The following PLEKHH2 variants were observed in gnomAD, a reference collection of about 807,000 sequenced individuals.
The protein encoded by PLEKHH2 is pleckstrin homology domain-containing family H member 2.
PLEKHH2 carries 129 observed loss-of-function variants against 187.9 expected under a neutral mutation model. That is an observed-to-expected ratio of 0.69 (90% CI 0.59 to 0.79). The LOEUF is 0.79. Among genes scored for constraint, PLEKHH2 ranks in the 30% least tolerant of loss-of-function variants. The pLI is 0.00. For synonymous variants in PLEKHH2, 686 were observed against 605.6 expected (o/e 1.13, Z -1.95); for missense variants, 2,076 against 1,751.2 (o/e 1.19, Z -3.31).
At chr2:43,716,618 G>GT (rs1558551305) in intron 15 of PLEKHH2, among the ~76,000 whole-genome samples, 1 of 152,100 alleles carries the variant, frequency 6.6e-6, no homozygotes, top group East Asian at 1.9e-4. Context: ...GAGGATAGTG[G>GT]TTTTTTCTAA....
At chr2:43,736,619 AG>A (rs1383696982) in intron 19 of PLEKHH2, among the ~76,000 whole-genome samples, 2 of 152,086 alleles carry the variant, frequency 1.3e-5, no homozygotes, top group African/African-American at 4.8e-5. Context: ...GTATCACCTG[AG>A]ATCAGGAGTT....
chr2:43,710,584 C>CTTTTTTTTTTTTTTTTTTTTTT lies in PLEKHH2; in HGVS notation c.2301+12_2301+33dup. ...ACAAACAAACAGTTCAGGTACTTAACTTTTTTTTTTTTTTTTTTTTTTTTG... is the reference window on the plus strand; with the variant it reads ...ACAAACAAACAGTTCAGGTACTTAACTTTTTTTTTTTTTTTTTTTTTTTTTTTTTTTTTTTTTTTTTTTTTTG... On this transcript the variant is annotated intron_variant, in intron 14 of 29. Transcript: ENST00000282406. The CTTTTTTTTTTTTTTTTTTTTTT allele has an allele frequency of 8.1e-7, 1 of 1,241,308 alleles. No homozygotes were observed. Among genetic ancestry groups the CTTTTTTTTTTTTTTTTTTTTTT allele is most frequent in the Non-Finnish European group, 1.0e-6 (1 of 972,022 alleles). The allele number at this position is 1,241,308 out of a possible 1,614,324, so 76.9% of individuals were successfully genotyped here.
intron 4 of PLEKHH2, among the ~76,000 whole-genome samples, chr2:43,693,141 G>T (rs1041660898): frequency 2.0e-5 from 3 of 151,678 alleles, no homozygotes; most frequent in Non-Finnish European, 4.4e-5. Context: ...TGCCATGTTG[G>T]CCAGGCCTGT....
Position 43,700,624 on chromosome 2 carries a change from C to T in PLEKHH2, c.1650+16C>T. 6 of 1,590,130 alleles carry T rather than the reference C, an allele frequency of 3.8e-6. No homozygotes were observed. The highest frequency in any genetic ancestry group is 2.2e-5 in the East Asian group (1 of 44,748). On this transcript the variant is annotated intron_variant, in intron 8 of 29. Transcript: ENST00000282406. ...TCCTTCTTGGGTAATTATATCACCG[C>T]ATGTAACACATACGCAGTAGTTTTT...
intron 21 of PLEKHH2, among the ~76,000 whole-genome samples, 176 bp from the exon 22 acceptor site, chr2:43,742,562 TAAA>T (rs1671614986): frequency 2.6e-5 from 4 of 152,112 alleles, no homozygotes; most frequent in African/African-American, 7.2e-5. Flanking sequence ...GTTACAAAAA[TAAA>T]GAAGTTGGAA....
At chr2:43,698,227 G>A (rs967619316) in intron 7 of PLEKHH2, among the ~76,000 whole-genome samples, 5 of 150,460 alleles carry the variant, frequency 3.3e-5, no homozygotes, top group Admixed American at 3.3e-4. Context: ...GCCATTACTC[G>A]CTTTGCTCTT....
intron 3 of PLEKHH2, chr2:43,680,531 T>A (rs1668116542): frequency 6.4e-6 from 1 of 156,308 alleles, no homozygotes; most frequent in East Asian, 1.9e-4. Context: ...TCAACTTGAG[T>A]ACTACCAAAT....
chr2:43,652,297 G>C (rs959711372), intron 2 of PLEKHH2, among the ~76,000 whole-genome samples: 2 of 152,188 alleles, frequency 1.3e-5, no homozygotes, highest in African/African-American at 4.8e-5. Flanking sequence ...ACTGTTTTCA[G>C]TCTTTCATGT....
At chr2:43,686,762 C>T (rs1668532999) in intron 3 of PLEKHH2, among the ~76,000 whole-genome samples, 1 of 152,080 alleles carries the variant, frequency 6.6e-6, no homozygotes, top group African/African-American at 2.4e-5. Context: ...AAATTATAAT[C>T]AACTTGCTGA....
At position 43,699,760 on chromosome 2, in the gene PLEKHH2, A is replaced by G. The variant is rs1475698427; in HGVS notation, c.802A>G (p.Ser268Gly). 1 of 1,614,216 alleles carries G rather than the reference A, an allele frequency of 6.2e-7. No individual in the cohort carries two copies. The highest frequency in any genetic ancestry group is 2.2e-5 in the East Asian group (1 of 44,886). Residue 268 changes from serine to glycine, a missense_variant, in exon 8 of 30, where the codon AGC becomes GGC. Physicochemically the swap from Ser to Gly is moderately conservative, Grantham distance 56 (BLOSUM62 0). Coordinates refer to ENST00000282406, the MANE Select transcript of PLEKHH2 (RefSeq NM_172069.4). ...GSEQNRKTRT[S>G]FATDGGISQN... ...AGAACAGAATCGGAAAACAAGAACA[A>G]GCTTTGCCACAGATGGTGGCATCTC... is the stretch of plus-strand genomic sequence containing the variant.
intron 2 of PLEKHH2, among the ~76,000 whole-genome samples, chr2:43,673,929 T>A (rs538684021): frequency 1.2e-4 from 18 of 152,224 alleles, no homozygotes; most frequent in Non-Finnish European, 2.1e-4. Context: ...TCAAGACAAC[T>A]TTACAATGTA....
chr2:43,637,416 T>C (rs6544680), intron 1 of PLEKHH2, 37 bp downstream of exon 1: 98,403 of 152,306 alleles, frequency 0.65, 32,922 homozygotes, highest in African/African-American at 0.79. Context: ...ACTCCAGAGT[T>C]CCTGCCACCC....
At chr2:43,640,069 G>A (rs953946688) in intron 1 of PLEKHH2, among the ~76,000 whole-genome samples, 18 of 152,054 alleles carry the variant, frequency 1.2e-4, no homozygotes, top group African/African-American at 3.9e-4. Flanking sequence ...TGGTGTGGAT[G>A]TGTATTTCAT....
At chr2:43,722,495 C>T (rs563131395) in intron 16 of PLEKHH2, among the ~76,000 whole-genome samples, 18 of 152,192 alleles carry the variant, frequency 1.2e-4, no homozygotes, top group African/African-American at 3.1e-4. Context: ...CATCAGCCAC[C>T]GTAGTCCCAG....
chr2:43,710,206 C>G lies in PLEKHH2; in HGVS notation c.2104-14C>G. On this transcript the variant is annotated splice_polypyrimidine_tract_variant and intron_variant, in intron 12 of 29. Coordinates refer to ENST00000282406, the MANE Select transcript of PLEKHH2 (RefSeq NM_172069.4). Reference sequence around the variant, plus strand: ...GGAAACTGAAAATGCTTTTGTCTATCTTTTAAAAATTAGGAACCACTGGAA... The same window carrying G: ...GGAAACTGAAAATGCTTTTGTCTATGTTTTAAAAATTAGGAACCACTGGAA... 1 of 1,612,234 alleles carries G rather than the reference C, an allele frequency of 6.2e-7. No homozygotes were observed. The highest frequency in any genetic ancestry group is 1.1e-5 in the South Asian group (1 of 90,824).
chr2:43,749,133 C>G (rs966558222), intron 24 of PLEKHH2, among the ~76,000 whole-genome samples: 1 of 152,112 alleles, frequency 6.6e-6, no homozygotes, highest in Non-Finnish European at 1.5e-5. Flanking sequence ...ATGATTGGAA[C>G]TGAAGTGAAA....
At chr2:43,739,559 G>A (rs1484140647) in intron 20 of PLEKHH2, among the ~76,000 whole-genome samples, 6 of 152,164 alleles carry the variant, frequency 3.9e-5, no homozygotes, top group Non-Finnish European at 8.8e-5. Context: ...ACTTGAAAAT[G>A]GATTACTTTT....
At chr2:43,711,200 A>C in intron 14 of PLEKHH2, 1 of 985,538 alleles carries the variant, frequency 1.0e-6, no homozygotes. Context: ...AAATGTCTTC[A>C]ATAACCATTA....
chr2:43,680,703 T>C, intron 3 of PLEKHH2: 1 of 413,028 alleles, frequency 2.4e-6, no homozygotes, highest in East Asian at 6.6e-5. Context: ...CAAGTAAGCC[T>C]TCCGAAGGAA....
Sources: allele counts gnomAD v4.1 joint callset (sites outside exome capture counted in the v4.1 genomes callset), GRCh38; gene constraint gnomAD v4.1.1; transcripts MANE v1.5; gene names NCBI Gene and HGNC (gene_info 2026-07-23, HGNC 2026-07-21).